Variants in TLK1 observed in about 807,000 individuals in gnomAD.
TLK1 encodes tousled like kinase 1.
Under a neutral mutation model 105.3 loss-of-function variants are expected in TLK1, and 24 were observed. The observed-to-expected ratio is 0.23, with a 90% CI of 0.17 to 0.32. The LOEUF is 0.32. Ranked by LOEUF, TLK1 falls within the 10% of genes least tolerant of loss-of-function variation. The pLI, the probability that TLK1 is intolerant of heterozygous loss-of-function variation, is 1.00. For synonymous variants in TLK1, 321 were observed against 310.4 expected (o/e 1.03, Z -0.36); for missense variants, 558 against 910.5 (o/e 0.61, Z 4.98).
At chr2:171,022,435 C>A (rs1235005541) in intron 12 of TLK1, among the ~76,000 whole-genome samples, 2 of 152,156 alleles carry the variant, frequency 1.3e-5, no homozygotes, top group African/African-American at 4.8e-5. Context: ...CATACACACA[C>A]ACACACCTCC....
At chr2:171,091,660 G>A (rs1446620391) in intron 2 of TLK1, 1 of 152,190 alleles carries the variant, frequency 6.6e-6, no homozygotes, top group Non-Finnish European at 1.5e-5. Flanking sequence ...CTCTTCCCCA[G>A]AAGTTTGAAT....
chr2:171,226,863 T>C (rs1693906505), intron 1 of TLK1, among the ~76,000 whole-genome samples: 2 of 152,216 alleles, frequency 1.3e-5, no homozygotes, highest in Admixed American at 1.3e-4. Context: ...TTGCAGCTTC[T>C]GATAAGTTAA....
At chr2:171,054,636 G>A (rs1453045855) in intron 7 of TLK1, 2 of 152,208 alleles carry the variant, frequency 1.3e-5, no homozygotes, top group East Asian at 3.8e-4. Context: ...ACTGTCACAT[G>A]TAAAAAATTA....
chr2:171,002,533 CA>C (rs2105357354), intron 18 of TLK1, among the ~76,000 whole-genome samples: 1 of 152,276 alleles, frequency 6.6e-6, no homozygotes, highest in South Asian at 2.1e-4. Flanking sequence ...CTCGGCCTCC[CA>C]AAGTGCTGGG....
intron 2 of TLK1, among the ~76,000 whole-genome samples, chr2:171,084,521 G>T (rs73027301): frequency 0.027 from 4,053 of 152,284 alleles, 150 homozygotes; most frequent in African/African-American, 0.084. Flanking sequence ...CCTAAAAACA[G>T]CAGTAGAGAA....
At chr2:171,024,019 T>C (rs1434371756) in intron 12 of TLK1, among the ~76,000 whole-genome samples, 1 of 152,206 alleles carries the variant, frequency 6.6e-6, no homozygotes, top group Non-Finnish European at 1.5e-5. Context: ...TAAAATAGGA[T>C]CATTTAGAAG....
rs147034386 is a variant in TLK1 at position 171,054,077 on chromosome 2, T to A, written c.640-224A>T. ...AAAGGCCAATTACTTAGAATACTGA[T>A]GTTCCTCATTATAATTCAATATATC... On this transcript the variant is annotated intron_variant, in intron 7 of 20. Transcript: ENST00000431350. The A allele has an allele frequency of 4.7e-4, 178 of 379,360 alleles. No homozygotes were observed. In the Middle Eastern group the frequency reaches 7.1e-3, roughly 15 times the overall value. 23.5% of individuals were successfully genotyped at this position (379,360 alleles called of 1,614,324 possible).
At chr2:171,204,656 T>C (rs1373045595) in intron 1 of TLK1, among the ~76,000 whole-genome samples, 1 of 152,064 alleles carries the variant, frequency 6.6e-6, no homozygotes, top group Non-Finnish European at 1.5e-5. Flanking sequence ...TCTACGTATT[T>C]TATATAAAAA....
Position 171,049,888 on chromosome 2 carries a change from G to A in TLK1, c.906C>T (p.His302=). 1 of 1,613,864 alleles carries A rather than the reference G, an allele frequency of 6.2e-7. No homozygotes were observed. Among genetic ancestry groups the A allele is most frequent in the Non-Finnish European group, 8.5e-7 (1 of 1,179,940 alleles). ...AAGCGCCATGTCTAACTGTTGTAAAGTGCCCGAGGCGTAATCGATCTTGCA... is the reference window on the plus strand; with the variant it reads ...AAGCGCCATGTCTAACTGTTGTAAAATGCCCGAGGCGTAATCGATCTTGCA... ...KSMQDRLRLG[H]FTTVRHGASF... is the part of the protein sequence containing the mutation. The change falls in exon 10 of 21, where the codon CAC becomes CAT. Residue 302 remains histidine (H), a synonymous_variant. Transcript: ENST00000431350.
chr2:171,061,758 G>A (rs56114146), intron 3 of TLK1, among the ~76,000 whole-genome samples: 32,546 of 152,064 alleles, frequency 0.21, 3,975 homozygotes, highest in Non-Finnish European at 0.28. Context: ...CTGTATGATC[G>A]AACCATAGCT....
chr2:171,202,807 A>G (rs1011368301), intron 1 of TLK1, among the ~76,000 whole-genome samples: 1 of 152,162 alleles, frequency 6.6e-6, no homozygotes, highest in African/African-American at 2.4e-5. Flanking sequence ...TATCTACTTA[A>G]CAATATTTTA....
At chr2:171,119,361 C>G (rs779487838) in intron 1 of TLK1, among the ~76,000 whole-genome samples, 1 of 152,206 alleles carries the variant, frequency 6.6e-6, no homozygotes, top group Non-Finnish European at 1.5e-5. Context: ...GTTCCCCCCA[C>G]CACCTTCTTG....
chr2:171,075,767 T>C (rs184394457), intron 3 of TLK1, among the ~76,000 whole-genome samples: 18 of 152,308 alleles, frequency 1.2e-4, no homozygotes, highest in Admixed American at 4.6e-4. Context: ...CTTTTAATAA[T>C]CATTAAGAAT....
chr2:171,192,415 C>T (rs939218563), intron 1 of TLK1, among the ~76,000 whole-genome samples: 1 of 152,144 alleles, frequency 6.6e-6, no homozygotes, highest in African/African-American at 2.4e-5. Context: ...CGCGGTGGCT[C>T]ACGCCTATAA....
upstream of TLK1, among the ~76,000 whole-genome samples, chr2:171,161,168 AGCGTCCCCGCGCCGGCCGGAGGGAG>A (rs1258904277): frequency 1.4e-5 from 2 of 145,988 alleles, no homozygotes; most frequent in African/African-American, 2.5e-5. Flanking sequence ...GCGCGGGGGC[AGCGTCCCCGCGCCGGCCGGAGGGAG>A]GCGCGCCCCC....
At chr2:171,076,385 C>T (rs762805376) in intron 3 of TLK1, among the ~76,000 whole-genome samples, 38 of 152,010 alleles carry the variant, frequency 2.5e-4, no homozygotes, top group Non-Finnish European at 4.3e-4. Flanking sequence ...TCTTCTACCA[C>T]GGGGTGATGA....
intron 2 of TLK1, 135 bp downstream of exon 2, chr2:171,117,604 G>A: frequency 2.9e-6 from 2 of 681,808 alleles, no homozygotes; most frequent in Non-Finnish European, 5.0e-6. Flanking sequence ...ACGCATTTAT[G>A]AACACTGATC....
At chr2:171,117,709 C>T (rs1690493902) in intron 2 of TLK1, 30 bp downstream of exon 2, 1 of 1,533,868 alleles carries the variant, frequency 6.5e-7, no homozygotes, top group Non-Finnish European at 9.0e-7. Context: ...GAAAGAAAGA[C>T]TGTCAAATAA....
intron 1 of TLK1, among the ~76,000 whole-genome samples, chr2:171,129,492 A>T (rs1451972166): frequency 6.6e-6 from 1 of 152,198 alleles, no homozygotes; most frequent in African/African-American, 2.4e-5. Flanking sequence ...TTTTGTAAGA[A>T]GTCCAAGTTG....
Sources: allele counts gnomAD v4.1 joint callset (sites outside exome capture counted in the v4.1 genomes callset), GRCh38; gene constraint gnomAD v4.1.1; transcripts MANE v1.5; gene names NCBI Gene and HGNC (gene_info 2026-07-23, HGNC 2026-07-21).